NXPE4: variants seen among roughly 807,000 people sequenced by gnomAD.
The protein encoded by NXPE4 is NXPE family member 4.
NXPE4 carries 42 observed loss-of-function variants against 33.3 expected under a neutral mutation model. The observed-to-expected ratio is 1.26, with a 90% CI of 0.98 to 1.63. NXPE4 has a LOEUF of 1.63. Among genes scored for constraint, NXPE4 ranks in the 40% most tolerant of loss-of-function variants. NXPE4 has a pLI of 0.00. For missense variants in NXPE4, 709 were observed against 647.6 expected (o/e 1.09, Z -1.03); for synonymous variants, 253 against 234.9 (o/e 1.08, Z -0.71).
chr11:114,656,568 A>G, the NXPE4 span, among the ~76,000 whole-genome samples: 2 of 152,072 alleles, frequency 1.3e-5, no homozygotes, highest in Admixed American at 1.3e-4. Flanking sequence ...AGATGTTGTG[A>G]TAAGTTAATT....
At chr11:114,677,113 G>T in the NXPE4 span, among the ~76,000 whole-genome samples, 1 of 151,972 alleles carries the variant, frequency 6.6e-6, no homozygotes, top group Non-Finnish European at 1.5e-5. Context: ...CTGAGGGTCT[G>T]GTCAGGGAGA....
At chr11:114,656,334 C>T in the NXPE4 span, among the ~76,000 whole-genome samples, 1 of 152,116 alleles carries the variant, frequency 6.6e-6, no homozygotes, top group South Asian at 2.1e-4. Flanking sequence ...GAATCAATAT[C>T]GTGAAAATGA....
chr11:114,625,918 G>A, the NXPE4 span, among the ~76,000 whole-genome samples: 3 of 152,102 alleles, frequency 2.0e-5, no homozygotes, highest in South Asian at 2.1e-4. Flanking sequence ...GGTGACAGAC[G>A]GCACCTGGAA....
At chr11:114,648,807 G>T in the NXPE4 span, among the ~76,000 whole-genome samples, 1 of 152,186 alleles carries the variant, frequency 6.6e-6, no homozygotes, top group African/African-American at 2.4e-5. Flanking sequence ...TACTCTTCTT[G>T]ATAGTCTATA....
rs553407825 is a variant in NXPE4 at position 114,570,897 on chromosome 11, T to G, written c.*41A>C. The G allele has an allele frequency of 7.0e-7, 1 of 1,431,026 alleles. No homozygotes were observed. Among genetic ancestry groups the G allele is most frequent in the South Asian group, 1.4e-5 (1 of 71,668 alleles). The allele number at this position is 1,431,026 out of a possible 1,614,324, so 88.6% of individuals were successfully genotyped here. A position where few individuals can be genotyped will look rare whatever the true frequency, so the allele number is the denominator to read the frequency against. ...GGCCTGCTAGTAGACAGTCAATAAATTTTTTTACTTAAGTGAATGAATTTC... is the reference window on the plus strand; with the variant it reads ...GGCCTGCTAGTAGACAGTCAATAAAGTTTTTTACTTAAGTGAATGAATTTC... On this transcript the variant is annotated 3_prime_UTR_variant, in exon 6 of 6. Transcript: ENST00000375478.
At chr11:114,621,545 A>G in the NXPE4 span, among the ~76,000 whole-genome samples, 15 of 152,252 alleles carry the variant, frequency 9.9e-5, no homozygotes, top group African/African-American at 3.6e-4. Flanking sequence ...ACAGTGGATA[A>G]TAAGTATTAC....
chr11:114,605,887 A>G, the NXPE4 span, among the ~76,000 whole-genome samples: 4 of 146,812 alleles, frequency 2.7e-5, no homozygotes, highest in African/African-American at 1.0e-4. Flanking sequence ...TGCCTCGTGC[A>G]TAACCAATGT....
the NXPE4 span, among the ~76,000 whole-genome samples, chr11:114,632,385 A>T: frequency 2.7e-4 from 36 of 133,584 alleles, no homozygotes; most frequent in African/African-American, 9.7e-4. Flanking sequence ...GTTATATATG[A>T]TATAAATATA....
chr11:114,645,706 G>T, the NXPE4 span, among the ~76,000 whole-genome samples: 2 of 151,934 alleles, frequency 1.3e-5, no homozygotes, highest in Admixed American at 6.6e-5. Flanking sequence ...ATGAAGAAAA[G>T]ACATGAATAA....
the NXPE4 span, among the ~76,000 whole-genome samples, chr11:114,609,470 G>C: frequency 6.6e-6 from 1 of 151,846 alleles, no homozygotes; most frequent in Non-Finnish European, 1.5e-5. Context: ...TGGATAATAA[G>C]TGTTGCCTCT....
At position 114,582,827 on chromosome 11, in the gene NXPE4, G is replaced by A. The variant is rs371147789; in HGVS notation, c.291C>T (p.Ala97=). Residue 97 remains alanine (A), a synonymous_variant, in exon 3 of 6, where the codon GCC becomes GCT. Coordinates refer to ENST00000375478, the MANE Select transcript of NXPE4 (RefSeq NM_001077639.2). The stretch of plus-strand genomic sequence containing the variant: ...TGAGGATGGTGGCTGTGCTATGTGT[G>A]GCGCTGGTGGTGGTGTTCACGTGGG... The part of the protein sequence containing the change: ...PFTHVNTTTS[A]THSTATILNP... 341 of 1,614,042 alleles carry A rather than the reference G, an allele frequency of 2.1e-4. No homozygotes were observed. Among genetic ancestry groups the A allele is most frequent in the Non-Finnish European group, 2.8e-4 (328 of 1,180,034 alleles).
intron 2 of NXPE4, among the ~76,000 whole-genome samples, chr11:114,590,566 G>A (rs1343824576): frequency 6.6e-6 from 1 of 152,212 alleles, no homozygotes; most frequent in East Asian, 1.9e-4. Context: ...CCTTTAGCCA[G>A]TGAAAGCAAG....
chr11:114,579,475 A>G (rs1341749003), intron 5 of NXPE4, among the ~76,000 whole-genome samples: 2 of 152,202 alleles, frequency 1.3e-5, no homozygotes, highest in Non-Finnish European at 2.9e-5. Context: ...TCTAAGTAGC[A>G]TAGCCTAGAT....
At chr11:114,593,326 T>C (rs1949504925) in intron 2 of NXPE4, among the ~76,000 whole-genome samples, 1 of 152,078 alleles carries the variant, frequency 6.6e-6, no homozygotes, top group African/African-American at 2.4e-5. Context: ...ACCAACTCTA[T>C]AGCAAAAATA....
chr11:114,651,915 T>TAAACA, the NXPE4 span, among the ~76,000 whole-genome samples: 2 of 152,002 alleles, frequency 1.3e-5, no homozygotes, highest in Non-Finnish European at 2.9e-5. Flanking sequence ...ACAGAAACCA[T>TAAACA]AAACAAAACA....
chr11:114,627,207 C>T, the NXPE4 span, among the ~76,000 whole-genome samples: 3 of 152,088 alleles, frequency 2.0e-5, no homozygotes, highest in South Asian at 2.1e-4. Context: ...AACCCCAAGA[C>T]ACATAATTGT....
the NXPE4 span, among the ~76,000 whole-genome samples, chr11:114,631,864 G>C: frequency 6.6e-6 from 1 of 151,032 alleles, no homozygotes; most frequent in Admixed American, 6.6e-5. Flanking sequence ...ATTGTGTCGT[G>C]GGTAACCGCT....
chr11:114,572,889 T>C (rs925166963), intron 5 of NXPE4, among the ~76,000 whole-genome samples: 14 of 152,118 alleles, frequency 9.2e-5, no homozygotes, highest in African/African-American at 3.4e-4. Context: ...CACAGAAAGA[T>C]CATTGCCTAG....
the NXPE4 span, among the ~76,000 whole-genome samples, chr11:114,609,376 T>G: frequency 6.6e-6 from 1 of 151,710 alleles, no homozygotes; most frequent in Non-Finnish European, 1.5e-5. Context: ...CGTTACCCGG[T>G]GGATAATAAG....
Sources: gnomAD v4.1 joint callset for allele counts (sites outside exome capture counted in the v4.1 genomes callset) on GRCh38, gnomAD v4.1.1 for gene constraint, MANE v1.5 for transcripts, NCBI Gene and HGNC (gene_info 2026-07-23, HGNC 2026-07-21) for gene names.